Variants in ERC1 observed in about 807,000 individuals in gnomAD.
The protein encoded by ERC1 is ELKS/RAB6-interacting/CAST family member 1.
In ERC1, 56 loss-of-function variants were observed where a neutral mutation model predicts 132.0. The observed-to-expected ratio is 0.42, with a 90% confidence interval of 0.34 to 0.53. The LOEUF (loss-of-function observed/expected upper bound fraction) is 0.53. Among genes scored for constraint, ERC1 ranks in the 20% least tolerant of loss-of-function variants. The probability of loss-of-function intolerance (pLI) is 0.03; values close to 1 mark genes in which losing one functional copy is unlikely to be tolerated. For missense variants in ERC1, 1,202 were observed against 1,349.9 expected (o/e 0.89, Z 1.72); for synonymous variants, 478 against 476.1 (o/e 1.00, Z -0.05).
In ERC1 at chr12:1,083,385, T is replaced by G. The variant is rs770784588; in HGVS notation, c.891T>G (p.Thr297=). 16 of 1,614,100 alleles carry G rather than the reference T, an allele frequency of 9.9e-6. No homozygotes were observed. Residue 297 remains threonine, a synonymous_variant, in exon 3 of 19, where the codon ACT becomes ACG. Transcript: ENST00000360905. ...AGGAAATGGAGCTGCGTATTGAGAC[T>G]CAAAAGCAGACCCTAAATGCTCGGG... ...TLEEMELRIE[T]QKQTLNARDE... is the part of the protein sequence containing the mutation.
At chr12:1,463,307 T>C (rs6489288) in intron 18 of ERC1, among the ~76,000 whole-genome samples, 40,125 of 152,080 alleles carry the variant, frequency 0.26, 9,899 homozygotes, top group African/African-American at 0.66. Context: ...ACAGTTCATT[T>C]TTCCCTCCTG....
chr12:1,397,664 C>A (rs909786457), intron 16 of ERC1, among the ~76,000 whole-genome samples: 8 of 152,042 alleles, frequency 5.3e-5, no homozygotes, highest in Admixed American at 1.3e-4. Context: ...AAAGACAAAT[C>A]AAAAATTTAC....
At chr12:1,489,210 C>T (rs762964662) in intron 18 of ERC1, among the ~76,000 whole-genome samples, 12 of 152,210 alleles carry the variant, frequency 7.9e-5, no homozygotes, top group Non-Finnish European at 1.6e-4. Context: ...GTCCCAGCCC[C>T]ACGCATCAGC....
intron 17 of ERC1, among the ~76,000 whole-genome samples, chr12:1,419,680 A>G (rs1486847598): frequency 1.3e-5 from 2 of 151,982 alleles, no homozygotes; most frequent in Non-Finnish European, 2.9e-5. Flanking sequence ...CGTTTAGTGG[A>G]TATAGAGTTT....
At chr12:1,478,965 A>G (rs2094031598) in intron 18 of ERC1, among the ~76,000 whole-genome samples, 1 of 152,096 alleles carries the variant, frequency 6.6e-6, no homozygotes, top group Non-Finnish European at 1.5e-5. Flanking sequence ...TTTACCCTTC[A>G]CATTTATATA....
intron 14 of ERC1, among the ~76,000 whole-genome samples, chr12:1,270,029 ATAAT>A (rs2077722883): frequency 6.6e-6 from 1 of 152,214 alleles, no homozygotes; most frequent in Non-Finnish European, 1.5e-5. Context: ...ATTATGATAA[ATAAT>A]TTTCGATGAC....
chr12:1,381,415 G>A (rs1244400831), intron 16 of ERC1, among the ~76,000 whole-genome samples: 1 of 152,068 alleles, frequency 6.6e-6, no homozygotes. Flanking sequence ...GCGGTGTGCA[G>A]TCATAGCTCC....
intron 15 of ERC1, among the ~76,000 whole-genome samples, chr12:1,303,815 G>A (rs1311429860): frequency 6.6e-6 from 1 of 151,958 alleles, no homozygotes; most frequent in South Asian, 2.1e-4. Context: ...TTAGCTGGGT[G>A]TGGTGGCGCA....
At chr12:1,316,000 G>A (rs1301203476) in intron 15 of ERC1, among the ~76,000 whole-genome samples, 1 of 151,746 alleles carries the variant, frequency 6.6e-6, no homozygotes, top group East Asian at 1.9e-4. Flanking sequence ...CCATTCCCCT[G>A]CCTCAGCCTC....
chr12:1,204,229 G>A (rs987769907), intron 12 of ERC1: 1 of 326,704 alleles, frequency 3.1e-6, no homozygotes, highest in Non-Finnish European at 5.5e-6. Context: ...TTTTTTTCCT[G>A]CCCCAGGAAA....
At chr12:1,401,040 A>C (rs553054601) in intron 16 of ERC1, among the ~76,000 whole-genome samples, 1 of 140,140 alleles carries the variant, frequency 7.1e-6, no homozygotes, top group Non-Finnish European at 1.5e-5. Flanking sequence ...GGTTCACGCC[A>C]TTCTCCTGCC....
chr12:1,336,206 C>G (rs1473854983), intron 15 of ERC1, among the ~76,000 whole-genome samples: 1 of 151,854 alleles, frequency 6.6e-6, no homozygotes, highest in Non-Finnish European at 1.5e-5. Flanking sequence ...AAATAAACTC[C>G]TGGACTCATT....
intron 12 of ERC1, among the ~76,000 whole-genome samples, chr12:1,200,894 G>C (rs764243126): frequency 5.3e-5 from 8 of 152,008 alleles, no homozygotes; most frequent in Non-Finnish European, 1.2e-4. Flanking sequence ...ATAATATTCA[G>C]ACCCTTTAGG....
intron 12 of ERC1, among the ~76,000 whole-genome samples, chr12:1,229,099 TTAAG>T (rs1216202819): frequency 6.6e-6 from 1 of 152,232 alleles, no homozygotes; most frequent in Non-Finnish European, 1.5e-5. Context: ...TAGCTTGTGC[TTAAG>T]TGTTTGGTGG....
At position 1,289,606 on chromosome 12, in the gene ERC1, A is replaced by T. The variant is rs569490251; in HGVS notation, c.2620-246A>T. Among the ~76,000 whole-genome samples the T allele has an allele frequency of 9.3e-4, 141 of 152,304 alleles. 1 individual carries two copies. Among genetic ancestry groups the T allele is most frequent in the African/African-American group, 3.3e-3 (136 of 41,568 alleles). On this transcript the variant is annotated intron_variant, in intron 14 of 18. Coordinates refer to ENST00000360905, the MANE Select transcript of ERC1 (RefSeq NM_178040.4). ...GCGACTTCTTAAACTGATAACTTGT[A>T]TGCCCTTGCATGTATTAAGTTCTTT...
chr12:1,274,570 G>A (rs1417850202), intron 14 of ERC1, among the ~76,000 whole-genome samples: 1 of 151,846 alleles, frequency 6.6e-6, no homozygotes, highest in African/African-American at 2.4e-5. Flanking sequence ...TTGGCTTGCT[G>A]CAACCTCCAT....
rs1443912273 is a variant in ERC1, at chr12:1,062,076, T to C, written c.670-21088T>C. Reference sequence around the variant, plus strand: ...CATGATCTCGGCTCACTGCAAGCTCTGCCTCCCGGGTTCACTCCCACCTCA... The same window carrying C: ...CATGATCTCGGCTCACTGCAAGCTCCGCCTCCCGGGTTCACTCCCACCTCA... On this transcript the variant is annotated intron_variant, in intron 2 of 18. Transcript: ENST00000360905. Among the ~76,000 whole-genome samples, 4 of 148,346 alleles carry C rather than the reference T, an allele frequency of 2.7e-5. No individual in the cohort carries two copies. The South Asian group carries it at 6.5e-4, about 24-fold the overall frequency.
chr12:1,283,112 G>A (rs1052582439), intron 14 of ERC1, among the ~76,000 whole-genome samples: 1 of 152,152 alleles, frequency 6.6e-6, no homozygotes, highest in Non-Finnish European at 1.5e-5. Flanking sequence ...GTCATAATTT[G>A]TTCCCTTCTT....
chr12:1,468,496 G>A (rs2093791987), intron 18 of ERC1, among the ~76,000 whole-genome samples: 1 of 152,174 alleles, frequency 6.6e-6, no homozygotes, highest in African/African-American at 2.4e-5. Flanking sequence ...CAGCTACTTG[G>A]AAGGCTGAGG....
Sources: allele counts gnomAD v4.1 joint callset (sites outside exome capture counted in the v4.1 genomes callset), GRCh38; gene constraint gnomAD v4.1.1; transcripts MANE v1.5; gene names NCBI Gene and HGNC (gene_info 2026-07-23, HGNC 2026-07-21).